C12orf42: variants seen among roughly 807,000 people sequenced by gnomAD.
C12orf42 encodes the protein uncharacterized protein C12orf42.
Under a neutral mutation model 21.6 loss-of-function variants are expected in C12orf42, and 25 were observed. That is an observed-to-expected ratio of 1.16 (90% CI 0.84 to 1.62). The LOEUF (loss-of-function observed/expected upper bound fraction) is 1.62, where lower values mean the gene tolerates loss of function less well. Ranked by LOEUF, C12orf42 falls within the 40% of genes most tolerant of loss-of-function variation. The pLI is 0.00. For missense variants in C12orf42, 483 were observed against 459.3 expected (o/e 1.05, Z -0.47); for synonymous variants, 174 against 175.0 (o/e 0.99, Z 0.05).
chr12:103,114,066 A>G, the C12orf42 span, among the ~76,000 whole-genome samples: 1 of 152,358 alleles, frequency 6.6e-6, no homozygotes, highest in East Asian at 1.9e-4. Flanking sequence ...CAGAAAACCT[A>G]CTAGAAAAAT....
chr12:103,182,423 G>A, the C12orf42 span, among the ~76,000 whole-genome samples: 1 of 152,174 alleles, frequency 6.6e-6, no homozygotes, highest in Admixed American at 6.5e-5. Context: ...GGTAAATTCT[G>A]AAGAAAATGG....
At chr12:103,433,692 C>T (rs1262176309) in intron 2 of C12orf42, among the ~76,000 whole-genome samples, 5 of 152,126 alleles carry the variant, frequency 3.3e-5, no homozygotes, top group Admixed American at 3.3e-4. Flanking sequence ...TGTTATAAAA[C>T]AAATGTGAAC....
At chr12:103,170,080 G>A in the C12orf42 span, among the ~76,000 whole-genome samples, 1 of 152,144 alleles carries the variant, frequency 6.6e-6, no homozygotes, top group Non-Finnish European at 1.5e-5. Flanking sequence ...CCAGGCTTGA[G>A]TGGTGAACAC....
chr12:103,384,792 T>C (rs1236542789), intron 3 of C12orf42, among the ~76,000 whole-genome samples: 1 of 152,168 alleles, frequency 6.6e-6, no homozygotes. Flanking sequence ...ATATAGTGAA[T>C]CAAGAATTCA....
At chr12:103,324,203 ATAT>A (rs1241058039) in intron 4 of C12orf42, among the ~76,000 whole-genome samples, 3 of 128,848 alleles carry the variant, frequency 2.3e-5, no homozygotes, top group Non-Finnish European at 3.4e-5. Flanking sequence ...AGCACTTACA[ATAT>A]TATTATGTTG....
chr12:103,126,947 C>T, the C12orf42 span, among the ~76,000 whole-genome samples: 47 of 152,070 alleles, frequency 3.1e-4, no homozygotes, highest in Admixed American at 7.9e-4. Flanking sequence ...ATAAGAAATG[C>T]AGATAGTTAA....
the C12orf42 span, among the ~76,000 whole-genome samples, chr12:103,225,574 A>G: frequency 1.3e-5 from 2 of 152,086 alleles, no homozygotes; most frequent in African/African-American, 4.8e-5. Context: ...TGGATTGGGA[A>G]GAAGGGCGGC....
At chr12:103,335,787 T>C (rs1272646696) in intron 4 of C12orf42, among the ~76,000 whole-genome samples, 2 of 152,148 alleles carry the variant, frequency 1.3e-5, no homozygotes, top group Non-Finnish European at 2.9e-5. Flanking sequence ...GAAAAAGAAA[T>C]GTTTCGCCAG....
chr12:103,146,838 T>C, the C12orf42 span, among the ~76,000 whole-genome samples: 11 of 152,202 alleles, frequency 7.2e-5, no homozygotes, highest in Non-Finnish European at 8.8e-5. Context: ...GTGGTTTGCA[T>C]AAACCACTGG....
chr12:103,369,752 C>T (rs1160827422), intron 3 of C12orf42, among the ~76,000 whole-genome samples: 5 of 151,890 alleles, frequency 3.3e-5, no homozygotes, highest in African/African-American at 1.2e-4. Context: ...ACTATTCATT[C>T]TAAAACCTAA....
intron 2 of C12orf42, among the ~76,000 whole-genome samples, chr12:103,446,871 A>G (rs141817328): frequency 6.6e-6 from 1 of 152,110 alleles, no homozygotes; most frequent in African/African-American, 2.4e-5. Context: ...AACAATTACT[A>G]CTAGGCCTAA....
chr12:103,450,260 A>G (rs917032453), intron 2 of C12orf42, among the ~76,000 whole-genome samples: 5 of 152,130 alleles, frequency 3.3e-5, no homozygotes, highest in Non-Finnish European at 7.4e-5. Flanking sequence ...TTTTGCATCA[A>G]TGTCCACCAG....
At chr12:103,149,990 T>C in the C12orf42 span, among the ~76,000 whole-genome samples, 1 of 152,190 alleles carries the variant, frequency 6.6e-6, no homozygotes. Context: ...TTTTATAACA[T>C]CCTTCCCCTA....
At chr12:103,287,718 A>G (rs958657134) in intron 4 of C12orf42, among the ~76,000 whole-genome samples, 6 of 151,840 alleles carry the variant, frequency 4.0e-5, no homozygotes, top group Non-Finnish European at 8.8e-5. Flanking sequence ...TAAAAAAAAA[A>G]AACAAAAAAA....
chr12:103,229,563 A>G, the C12orf42 span, among the ~76,000 whole-genome samples: 15 of 152,242 alleles, frequency 9.9e-5, no homozygotes, highest in African/African-American at 3.4e-4. Flanking sequence ...GAAAAGAAAC[A>G]TAAGATTTAA....
chr12:103,518,239 T>C, the C12orf42 span, among the ~76,000 whole-genome samples: 2 of 152,100 alleles, frequency 1.3e-5, no homozygotes, highest in Non-Finnish European at 2.9e-5. Context: ...TTAAGCAGAA[T>C]AGGAATGTAT....
the C12orf42 span, among the ~76,000 whole-genome samples, chr12:103,182,242 G>A: frequency 6.6e-6 from 1 of 152,030 alleles, no homozygotes; most frequent in Admixed American, 6.6e-5. Context: ...TCCATTTTGT[G>A]TTCTTAAATA....
At position 103,439,281 on chromosome 12, in the gene C12orf42, G is replaced by A. The variant is rs1175463576; in HGVS notation, c.79-37606C>T. Among the ~76,000 whole-genome samples the A allele has an allele frequency of 1.1e-4, 17 of 152,116 alleles. No individual in the cohort carries two copies. In the South Asian group the frequency reaches 1.9e-3, roughly 17 times the overall value. On this transcript the variant is annotated intron_variant, in intron 2 of 5. Coordinates refer to ENST00000548883, the MANE Select transcript of C12orf42 (RefSeq NM_198521.5). ...TTCAAGATGGATTAAAGACTTAAACGTTAGACATAAAACCATAAAACCCTA... is the reference window on the plus strand; with the variant it reads ...TTCAAGATGGATTAAAGACTTAAACATTAGACATAAAACCATAAAACCCTA...
At chr12:103,460,296 G>A (rs906808140) in intron 2 of C12orf42, among the ~76,000 whole-genome samples, 1 of 151,718 alleles carries the variant, frequency 6.6e-6, no homozygotes, top group Non-Finnish European at 1.5e-5. Flanking sequence ...GAGAGAGAGA[G>A]AGATTGAAAG....
Sources: gnomAD v4.1 joint callset for allele counts (sites outside exome capture counted in the v4.1 genomes callset) on GRCh38, gnomAD v4.1.1 for gene constraint, MANE v1.5 for transcripts, NCBI Gene and HGNC (gene_info 2026-07-23, HGNC 2026-07-21) for gene names.